The following NRG3 variants were observed in gnomAD, a reference collection of about 807,000 sequenced individuals.
NRG3 encodes the protein pro-neuregulin-3, membrane-bound isoform.
Under a neutral mutation model 66.9 loss-of-function variants are expected in NRG3, and 31 were observed. The observed-to-expected ratio is 0.46, with a 90% CI of 0.35 to 0.63. NRG3 has a LOEUF of 0.63. NRG3 is among the 20% of genes least tolerant of loss of function. The pLI is 0.00. For missense variants in NRG3, 910 were observed against 878.9 expected (o/e 1.04, Z -0.45); for synonymous variants, 393 against 359.4 (o/e 1.09, Z -1.06).
At chr10:82,027,442 A>G (rs1328650607) in intron 1 of NRG3, among the ~76,000 whole-genome samples, 2 of 152,024 alleles carry the variant, frequency 1.3e-5, no homozygotes, top group Non-Finnish European at 2.9e-5. Context: ...ATAATTTTTA[A>G]CTATGTTTGA....
At chr10:82,090,627 A>G (rs1296498835) in intron 1 of NRG3, among the ~76,000 whole-genome samples, 1 of 152,204 alleles carries the variant, frequency 6.6e-6, no homozygotes, top group African/African-American at 2.4e-5. Flanking sequence ...TTGAATAAAG[A>G]AGGGACGAGT....
chr10:82,591,061 G>A (rs2046953830), intron 2 of NRG3, among the ~76,000 whole-genome samples: 1 of 152,172 alleles, frequency 6.6e-6, no homozygotes. Context: ...TTTCCCTGAG[G>A]CACATCAGCT....
In NRG3 at chr10:82,231,777, C is replaced by G. The variant is rs75905557; in HGVS notation, c.824-126962C>G. Among the ~76,000 whole-genome samples, 525 of 152,230 alleles carry G rather than the reference C, an allele frequency of 3.4e-3. 4 individuals carry two copies. The highest frequency in any genetic ancestry group is 0.012 in the African/African-American group (507 of 41,550). Reference sequence around the variant, plus strand: ...GTAAGCAAATAGAAGACCACTAAAACATGATTGATTTCAAAATGTTACATA... The same window carrying G: ...GTAAGCAAATAGAAGACCACTAAAAGATGATTGATTTCAAAATGTTACATA... On this transcript the variant is annotated intron_variant, in intron 1 of 8. Coordinates refer to ENST00000372141, the MANE Select transcript of NRG3 (RefSeq NM_001010848.4).
rs931877272 is a variant in NRG3 at position 82,557,418 on chromosome 10, T to C, written c.954-181159T>C. 3.3e-5 allele frequency among the ~76,000 whole-genome samples: 5 copies of C among 152,186 alleles called. No individual in the cohort carries two copies. The South Asian group carries it at 6.2e-4, about 19-fold the overall frequency. ...TTGAGCTTTTTTTTCATATGCTTAT[T>C]GGCTGCATGTATGTCTTTTTTTGAG... On this transcript the variant is annotated intron_variant, in intron 2 of 8. Coordinates refer to ENST00000372141, the MANE Select transcript of NRG3 (RefSeq NM_001010848.4).
chr10:82,005,092 A>G lies in NRG3; in HGVS notation c.823+128929A>G, dbSNP rs558511523. ...ATGAGAACACTGAGATGAAGAGATA[A>G]ATGACTGACCGAAGGTCAGGGATCA... On this transcript the variant is annotated intron_variant, in intron 1 of 8. Coordinates refer to ENST00000372141, the MANE Select transcript of NRG3 (RefSeq NM_001010848.4). 3.3e-5 allele frequency among the ~76,000 whole-genome samples: 5 copies of G among 152,320 alleles called. No homozygotes were observed. In the South Asian group the frequency reaches 1.0e-3, roughly 32 times the overall value.
intron 1 of NRG3, among the ~76,000 whole-genome samples, chr10:82,215,963 CTTTTTTT>C (rs71894841): frequency 4.5e-5 from 4 of 89,722 alleles, no homozygotes; most frequent in African/African-American, 1.4e-4. Context: ...TTATGTTTTC[CTTTTTTT>C]TTTTTTTTTT....
rs113956289 is a variant in NRG3 at position 82,031,346 on chromosome 10, A to G, written c.823+155183A>G. On this transcript the variant is annotated intron_variant, in intron 1 of 8. Transcript: ENST00000372141. ...GGATACTCTCTAGAAAGCATCTGTC[A>G]GGGTTAATACTTTACAAGTTAGCTA... Among the ~76,000 whole-genome samples the G allele has an allele frequency of 2.3e-3, 344 of 152,272 alleles. 3 individuals carry two copies. Among genetic ancestry groups the G allele is most frequent in the African/African-American group, 7.7e-3 (321 of 41,574 alleles).
chr10:82,003,988 A>AACACACACACACAC (rs746699197), intron 1 of NRG3, among the ~76,000 whole-genome samples: 57 of 134,418 alleles, frequency 4.2e-4, no homozygotes, highest in African/African-American at 1.5e-3. Flanking sequence ...CCTGACTGAA[A>AACACACACACACAC]ACACACACAC....
rs560653506 is a variant in NRG3 at position 82,688,286 on chromosome 10, G to A, written c.954-50291G>A. ...TGTCTAATCTGCCACCTAGACTTGA[G>A]CTCAGCGTTTTTATTTATCCATGTT... is the stretch of plus-strand genomic sequence containing the variant. On this transcript the variant is annotated intron_variant, in intron 2 of 8. Coordinates refer to ENST00000372141, the MANE Select transcript of NRG3 (RefSeq NM_001010848.4). Among the ~76,000 whole-genome samples, 12 of 152,234 alleles carry A rather than the reference G, an allele frequency of 7.9e-5. No individual in the cohort carries two copies. The South Asian group carries it at 1.7e-3, about 21-fold the overall frequency.
intron 1 of NRG3, among the ~76,000 whole-genome samples, chr10:81,964,065 A>C (rs1463884554): frequency 6.6e-6 from 1 of 152,204 alleles, no homozygotes; most frequent in East Asian, 1.9e-4. Flanking sequence ...ATTAATCTGC[A>C]TCCATTTTCC....
At chr10:82,122,432 C>T (rs2068150413) in intron 1 of NRG3, among the ~76,000 whole-genome samples, 1 of 152,110 alleles carries the variant, frequency 6.6e-6, no homozygotes, top group Non-Finnish European at 1.5e-5. Context: ...TGTGTTTTTG[C>T]TCCGTAGTTT....
intron 1 of NRG3, among the ~76,000 whole-genome samples, chr10:82,295,027 G>C (rs188792629): frequency 1.7e-3 from 256 of 152,136 alleles, no homozygotes; most frequent in Non-Finnish European, 2.8e-3. Context: ...AAATTTAAAT[G>C]ATAAAATTTA....
chr10:82,865,865 C>T (rs188580971), intron 4 of NRG3, among the ~76,000 whole-genome samples: 1 of 152,116 alleles, frequency 6.6e-6, no homozygotes, highest in African/African-American at 2.4e-5. Context: ...ACTTCTAAGT[C>T]CCCTTCCTTT....
At chr10:82,872,587 T>A (rs997297907) in intron 4 of NRG3, among the ~76,000 whole-genome samples, 5 of 152,144 alleles carry the variant, frequency 3.3e-5, no homozygotes, top group Non-Finnish European at 4.4e-5. Context: ...ATTTACTATA[T>A]GCCAGATGTA....
At chr10:82,256,194 T>C (rs2077718153) in intron 1 of NRG3, among the ~76,000 whole-genome samples, 1 of 152,034 alleles carries the variant, frequency 6.6e-6, no homozygotes, top group South Asian at 2.1e-4. Context: ...AGTGCTGGGA[T>C]TACAGGCGTG....
chr10:81,911,293 G>A (rs1246778677), intron 1 of NRG3, among the ~76,000 whole-genome samples: 1 of 152,090 alleles, frequency 6.6e-6, no homozygotes, highest in Admixed American at 6.5e-5. Context: ...GGGATTTTCA[G>A]GTAAAGTGCT....
At position 82,007,215 on chromosome 10, in the gene NRG3, T is replaced by G. The variant is rs950754356; in HGVS notation, c.823+131052T>G. 8.9e-4 allele frequency among the ~76,000 whole-genome samples: 132 copies of G among 148,638 alleles called. 1 individual carries two copies. Among genetic ancestry groups the G allele is most frequent in the African/African-American group, 3.1e-3 (128 of 40,838 alleles). ...TCAAATTTTCTTTTTTCTTTTCTTT[T>G]TTTTTTTTTTTTGAGACAGAGTCTT... On this transcript the variant is annotated intron_variant, in intron 1 of 8. Transcript: ENST00000372141.
chr10:81,895,393 A>C (rs570322659), intron 1 of NRG3, among the ~76,000 whole-genome samples: 26 of 152,292 alleles, frequency 1.7e-4, no homozygotes, highest in Admixed American at 1.0e-3. Flanking sequence ...CAGATTATTG[A>C]TCCCAATACT....
At chr10:82,158,525 T>C (rs983601024) in intron 1 of NRG3, among the ~76,000 whole-genome samples, 5 of 151,816 alleles carry the variant, frequency 3.3e-5, no homozygotes, top group Non-Finnish European at 7.4e-5. Flanking sequence ...AAATCTCAAG[T>C]CTTTTCATGG....
Sources: gnomAD v4.1 joint callset for allele counts (sites outside exome capture counted in the v4.1 genomes callset) on GRCh38, gnomAD v4.1.1 for gene constraint, MANE v1.5 for transcripts, NCBI Gene and HGNC (gene_info 2026-07-23, HGNC 2026-07-21) for gene names.